The following CD74 variants were observed in gnomAD, a reference collection of about 807,000 sequenced individuals.
CD74 encodes the protein CD74 molecule, also known as HLA class II histocompatibility antigen gamma chain.
CD74 carries 20 observed loss-of-function variants against 37.1 expected under a neutral mutation model. That is an observed-to-expected ratio of 0.54 (90% CI 0.38 to 0.78). CD74 has a LOEUF of 0.78. CD74 is among the 30% of genes least tolerant of loss of function. The pLI is 0.00. For missense variants in CD74, 338 were observed against 389.5 expected (o/e 0.87, Z 1.11); for synonymous variants, 150 against 152.0 (o/e 0.99, Z 0.10).
At position 150,405,167 on chromosome 5, in the gene CD74, A is replaced by C; in HGVS notation, c.455T>G (p.Leu152Arg). The C allele has an allele frequency of 1.2e-6, 2 of 1,604,892 alleles. No homozygotes were observed. The highest frequency in any genetic ancestry group is 1.7e-6 in the Non-Finnish European group (2 of 1,176,202). ...CCCCTTCAGTGGCGGGTACACCTTC[A>C]GGGGGTCAGCATTCTACAGGGTAGC... ...VMHLLQNADP[L>R]KVYPPLKGSF... The change falls in exon 5 of 9, where the codon CTG (leucine) becomes CGG (arginine). Residue 152 changes from leucine (L) to arginine (R), a missense_variant. Transcript: ENST00000009530.
At chr5:150,410,717 CA>C (rs1408923699) in intron 1 of CD74, among the ~76,000 whole-genome samples, 1 of 151,010 alleles carries the variant, frequency 6.6e-6, no homozygotes, top group African/African-American at 2.4e-5. Context: ...AGGAGCCAAC[CA>C]GAGCTAGCAG....
intron 4 of CD74, 72 bp downstream of exon 4, chr5:150,406,187 G>T: frequency 9.1e-7 from 1 of 1,102,186 alleles, no homozygotes; most frequent in Non-Finnish European, 1.4e-6. Flanking sequence ...CAGGTATACA[G>T]GCCTTGGAGC....
At chr5:150,410,146 G>T (rs988198442) in intron 1 of CD74, among the ~76,000 whole-genome samples, 3 of 152,126 alleles carry the variant, frequency 2.0e-5, no homozygotes, top group African/African-American at 7.2e-5. Flanking sequence ...CAAGGAACAC[G>T]GGTGGCCTAG....
At chr5:150,409,064 T>C (rs1316096004) in intron 1 of CD74, among the ~76,000 whole-genome samples, 1 of 148,826 alleles carries the variant, frequency 6.7e-6, no homozygotes, top group Non-Finnish European at 1.5e-5. Context: ...TACAAAAAAA[T>C]ACAAAAAACT....
intron 1 of CD74, among the ~76,000 whole-genome samples, chr5:150,411,985 G>A (rs903627759): frequency 2.0e-5 from 3 of 152,042 alleles, no homozygotes; most frequent in Admixed American, 1.3e-4. Context: ...TTTTTTTTGA[G>A]ACAGAGTGTC....
At position 150,404,504 on chromosome 5, in the gene CD74, A is replaced by AAGAAGG. The variant is rs1769830021; in HGVS notation, c.625+175_625+176insCCTTCT. ...GGTGGGTCAGGGGAGGGGGACAGCC[A>AAGAAGG]AACCAAGAAGGAACAGACAGGAGAG... On this transcript the variant is annotated intron_variant, in intron 6 of 8. Transcript: ENST00000009530. 4 of 584,046 alleles carry AAGAAGG rather than the reference A, an allele frequency of 6.8e-6. No individual in the cohort carries two copies. The African/African-American group carries it at 7.5e-5, about 11-fold the overall frequency. The allele number at this position is 584,046 out of a possible 1,614,324, so 36.2% of individuals were successfully genotyped here. A position where few individuals can be genotyped will look rare whatever the true frequency, so the allele number is the denominator to read the frequency against.
chr5:150,406,850 G>T, intron 3 of CD74, 31 bp downstream of exon 3: 1 of 1,401,606 alleles, frequency 7.1e-7, no homozygotes, highest in Non-Finnish European at 9.5e-7. Flanking sequence ...GGATAACCTT[G>T]CCCCTCCCAC....
Position 150,402,650 on chromosome 5 carries a change from T to C in CD74, c.818-25A>G, listed in dbSNP as rs2151167600. The C allele has an allele frequency of 1.9e-6, 3 of 1,590,232 alleles. No homozygotes were observed. The highest frequency in any genetic ancestry group is 2.6e-6 in the Non-Finnish European group (3 of 1,165,194). ...TCTGCAAAGGAGCAGCAAGTCCGTT[T>C]GTCACTTGAAGTGCAGCCTACCTGA... On this transcript the variant is annotated intron_variant, in intron 7 of 8. Transcript: ENST00000009530. This position sits in a 1 kb window ranked among gnomAD's most constrained non-coding sequence, Gnocchi z 4.2.
At chr5:150,404,802 GCCA>G in intron 5 of CD74, 35 bp from the exon 6 acceptor site, 1 of 1,383,160 alleles carries the variant, frequency 7.2e-7, no homozygotes, top group East Asian at 2.5e-5. Context: ...AGGTTCGATG[GCCA>G]CCACCAAGCC....
Position 150,402,696 on chromosome 5 carries a change from T to A in CD74, c.818-71A>T, listed in dbSNP as rs2151167805. On this transcript the variant is annotated intron_variant, in intron 7 of 8. Coordinates refer to ENST00000009530, the MANE Select transcript of CD74 (RefSeq NM_001025159.3). The surrounding 1 kb of genome is among the most constrained non-coding windows in gnomAD (Gnocchi z 4.2). ...CCTGACCCAAGATGCCTGAGGGCAG[T>A]GCTTCCCACCTAGCCACAGGCTTAG... The A allele has an allele frequency of 7.6e-7, 1 of 1,321,908 alleles. No individual in the cohort carries two copies. Among genetic ancestry groups the A allele is most frequent in the Non-Finnish European group, 1.1e-6 (1 of 941,058 alleles). The allele number at this position is 1,321,908 out of a possible 1,614,324, so 81.9% of individuals were successfully genotyped here.
In CD74 at chr5:150,402,464, G is replaced by C. The variant is rs761527940; in HGVS notation, c.880+99C>G. On this transcript the variant is annotated intron_variant, in intron 8 of 8. Coordinates refer to ENST00000009530, the MANE Select transcript of CD74 (RefSeq NM_001025159.3). This position sits in a 1 kb window ranked among gnomAD's most constrained non-coding sequence, Gnocchi z 4.2. ...AAATGGACATCCCAGGAATGTTGGA[G>C]AGTGGCCCAGCGTCACACTCCTTCA... The C allele has an allele frequency of 9.3e-7, 1 of 1,074,132 alleles. No individual in the cohort carries two copies. Among genetic ancestry groups the C allele is most frequent in the Non-Finnish European group, 1.5e-6 (1 of 688,084 alleles). The allele number at this position is 1,074,132 out of a possible 1,614,324, so 66.5% of individuals were successfully genotyped here.
At position 150,402,023 on chromosome 5, in the gene CD74, G is replaced by C; in HGVS notation, c.*217C>G. On this transcript the variant is annotated 3_prime_UTR_variant, in exon 9 of 9. Coordinates refer to ENST00000009530, the MANE Select transcript of CD74 (RefSeq NM_001025159.3). The surrounding 1 kb of genome is among the most constrained non-coding windows in gnomAD (Gnocchi z 4.2). ...CCACTTCCTGGGACCTCACGCCCCT[G>C]TTGACAGATGGAGATTGGGCAGCAG... 6.5e-7 allele frequency: 1 copy of C among 1,535,394 alleles called. No individual in the cohort carries two copies. Among genetic ancestry groups the C allele is most frequent in the Non-Finnish European group, 8.7e-7 (1 of 1,145,604 alleles).
In CD74 at chr5:150,404,770, A is replaced by G. The variant is rs1304194931; in HGVS notation, c.538-3T>C. 2 of 1,564,996 alleles carry G rather than the reference A, an allele frequency of 1.3e-6. No individual in the cohort carries two copies. Among genetic ancestry groups the G allele is most frequent in the East Asian group, 2.3e-5 (1 of 42,700 alleles). ...TGGTGCATCCAGCTCTCAAAGACCT[A>G]ATACGGATAGAGGTGGAGGTCAGGT... On this transcript the variant is annotated splice_polypyrimidine_tract_variant and splice_region_variant and intron_variant, in intron 5 of 8. Coordinates refer to ENST00000009530, the MANE Select transcript of CD74 (RefSeq NM_001025159.3).
intron 1 of CD74, among the ~76,000 whole-genome samples, chr5:150,410,307 C>T (rs1031279528): frequency 2.0e-5 from 3 of 152,130 alleles, no homozygotes; most frequent in Non-Finnish European, 4.4e-5. Context: ...GCCTAAGAAC[C>T]TAGAGATTCA....
rs1769754241 is a variant in CD74, at chr5:150,403,315, G to A, written c.626-3C>T. On this transcript the variant is annotated splice_region_variant and splice_polypyrimidine_tract_variant and intron_variant, in intron 6 of 8. Transcript: ENST00000009530. This position sits in a 1 kb window ranked among gnomAD's most constrained non-coding sequence, Gnocchi z 4.5. ...CTCTTCCTGGCACTTGGTCAGTACT[G>A]AAGCGACAGGCATGATGAGGACACA... 1 of 1,613,658 alleles carries A rather than the reference G, an allele frequency of 6.2e-7. No individual in the cohort carries two copies. Among genetic ancestry groups the A allele is most frequent in the African/African-American group, 1.3e-5 (1 of 74,916 alleles).
At chr5:150,409,056 C>T (rs915489796) in intron 1 of CD74, among the ~76,000 whole-genome samples, 1 of 151,832 alleles carries the variant, frequency 6.6e-6, no homozygotes, top group Non-Finnish European at 1.5e-5. Flanking sequence ...CCCGTCTCTA[C>T]AAAAAAATAC....
rs950302924 is a variant in CD74, at chr5:150,406,641, G to T, written c.378+240C>A. 3 of 588,152 alleles carry T rather than the reference G, an allele frequency of 5.1e-6. No homozygotes were observed. In the African/African-American group the frequency reaches 5.6e-5, roughly 11 times the overall value. 36.4% of individuals were successfully genotyped at this position (588,152 alleles called of 1,614,324 possible). On this transcript the variant is annotated intron_variant, in intron 3 of 8. Coordinates refer to ENST00000009530, the MANE Select transcript of CD74 (RefSeq NM_001025159.3). The stretch of plus-strand genomic sequence containing the variant: ...AGGACAGTGAGATGCTATAGGAAAT[G>T]AGAAGCACTTTGTAAACTGTAGAGG...
In CD74 at chr5:150,403,620, AGGCCGAGGTGGGC is replaced by A. The variant is rs1290571590; in HGVS notation, c.626-321_626-309del. Among the ~76,000 whole-genome samples the A allele has an allele frequency of 6.6e-6, 1 of 152,186 alleles. No homozygotes were observed. The highest frequency in any genetic ancestry group is 1.5e-5 in the Non-Finnish European group (1 of 68,012). On this transcript the variant is annotated intron_variant, in intron 6 of 8. Coordinates refer to ENST00000009530, the MANE Select transcript of CD74 (RefSeq NM_001025159.3). This position sits in a 1 kb window ranked among gnomAD's most constrained non-coding sequence, Gnocchi z 4.5. ...ATGCCTGTAATCTTAGCACTTTGGG[AGGCCGAGGTGGGC>A]GGATCACTTGAGGTCAGGAGTTCAA...
rs201625143 is a variant in CD74, at chr5:150,403,273, G to A, written c.665C>T (p.Ala222Val). The A allele has an allele frequency of 2.2e-4, 360 of 1,614,056 alleles. 1 individual carries two copies. The Middle Eastern group carries it at 4.5e-3, about 20-fold the overall frequency. Residue 222 changes from alanine to valine, a missense_variant, in exon 7 of 9, where the codon GCT (alanine) becomes GTT (valine). Transcript: ENST00000009530. This position sits in a 1 kb window ranked among gnomAD's most constrained non-coding sequence, Gnocchi z 4.5. The stretch of plus-strand genomic sequence containing the variant: ...GGGCCTGAATGAACCCGGGTGGACA[G>A]CAGGGATGTGGCTGACCTCTTCCTG... ...KCQEEVSHIP[A>V]VHPGSFRPKC... is the part of the protein sequence containing the mutation.
Sources: gnomAD v4.1 joint callset for allele counts (sites outside exome capture counted in the v4.1 genomes callset) on GRCh38, gnomAD v4.1.1 for gene constraint, Gnocchi (gnomAD v3.1) non-coding constraint, MANE v1.5 for transcripts, NCBI Gene and HGNC (gene_info 2026-07-23, HGNC 2026-07-21) for gene names.